Variants in NUP98 observed in about 807,000 individuals in gnomAD.
NUP98 encodes the protein nuclear pore complex protein Nup98-Nup96.
A neutral mutation model predicts 191.9 loss-of-function variants in NUP98; 26 were observed. The ratio of observed to expected loss-of-function variants is 0.14; its 90% CI spans 0.10 to 0.19. The LOEUF is 0.19. Among genes scored for constraint, NUP98 ranks in the 10% least tolerant of loss-of-function variants. NUP98 has a pLI of 1.00. For missense variants in NUP98, 1,941 were observed against 2,178.8 expected, an observed-to-expected ratio of 0.89 and a Z score of 2.17; for synonymous variants, 808 against 778.4, an observed-to-expected ratio of 1.04 and a Z score of -0.63.
chr11:3,697,845 A>AAAT (rs2078560787), intron 25 of NUP98, among the ~76,000 whole-genome samples: 1 of 139,290 alleles, frequency 7.2e-6, no homozygotes, highest in South Asian at 2.2e-4. Flanking sequence ...AAAAAAAAAA[A>AAAT]GATTTATATC....
chr11:3,753,685 C>G (rs1200764839), intron 10 of NUP98, among the ~76,000 whole-genome samples: 1 of 135,494 alleles, frequency 7.4e-6, no homozygotes, highest in Non-Finnish European at 1.5e-5. Context: ...CCGAGGCTGA[C>G]AGATCACCTG....
At position 3,744,624 on chromosome 11, in the gene NUP98, C is replaced by A; in HGVS notation, c.1293G>T (p.Leu431Phe). The A allele has an allele frequency of 6.2e-7, 1 of 1,612,990 alleles. No homozygotes were observed. The highest frequency in any genetic ancestry group is 8.5e-7 in the Non-Finnish European group (1 of 1,179,362). ...CAATCTTAGGTTGGTTGTTCCCAAA[C>A]AAAGATGCCTGTCCAGCACCAAGAG... ...GTALGAGQAS[L>F]FGNNQPKIGG... is the part of the protein sequence containing the mutation. The change falls in exon 12 of 33, where the codon TTG becomes TTT. Residue 431 changes from leucine to phenylalanine, a missense_variant. Leu to Phe is a conservative substitution (Grantham distance 22). Coordinates refer to ENST00000324932, the MANE Select transcript of NUP98 (RefSeq NM_016320.5).
intron 18 of NUP98, among the ~76,000 whole-genome samples, chr11:3,718,537 A>G (rs1309122162): frequency 3.3e-5 from 5 of 152,132 alleles, no homozygotes; most frequent in Non-Finnish European, 5.9e-5. Context: ...CTCTGTCTCA[A>G]AAGAAGAAAG....
chr11:3,763,088 T>C (rs777310862), intron 8 of NUP98, 49 bp from the exon 9 acceptor site: 4 of 1,551,086 alleles, frequency 2.6e-6, no homozygotes, highest in African/African-American at 1.4e-5. Flanking sequence ...ATAGTTTCCG[T>C]AACGAATCTC....
chr11:3,731,023 T>C (rs1413394337), intron 14 of NUP98, among the ~76,000 whole-genome samples: 1 of 152,188 alleles, frequency 6.6e-6, no homozygotes, highest in Non-Finnish European at 1.5e-5. Flanking sequence ...TCCCAGCACT[T>C]TGGGAGGCCA....
At chr11:3,732,301 C>T (rs1260747590) in intron 13 of NUP98, among the ~76,000 whole-genome samples, 2 of 152,256 alleles carry the variant, frequency 1.3e-5, no homozygotes, top group Admixed American at 6.5e-5. Flanking sequence ...TTAAAATGTA[C>T]TAACACAACA....
At chr11:3,783,559 C>A (rs1205959073) in intron 1 of NUP98, among the ~76,000 whole-genome samples, 1 of 152,016 alleles carries the variant, frequency 6.6e-6, no homozygotes, top group African/African-American at 2.4e-5. Flanking sequence ...ATTAGCCAGG[C>A]GTGGTGGTGC....
intron 7 of NUP98, among the ~76,000 whole-genome samples, chr11:3,771,441 T>C (rs552963383): frequency 6.6e-6 from 1 of 151,932 alleles, no homozygotes; most frequent in Admixed American, 6.6e-5. Flanking sequence ...AAACTCAGAG[T>C]TTTTAGACTC....
In NUP98 at chr11:3,777,876, T is replaced by C. The variant is rs368049633; in HGVS notation, c.355+997A>G. On this transcript the variant is annotated intron_variant, in intron 4 of 32. Transcript: ENST00000324932. Reference sequence around the variant, plus strand: ...ATACTGTTATGGCTAAATATTTCAATGTTATACAAACAACTTTCCCTCTGG... The same window carrying C: ...ATACTGTTATGGCTAAATATTTCAACGTTATACAAACAACTTTCCCTCTGG... Among the ~76,000 whole-genome samples, 17 of 152,098 alleles carry C rather than the reference T, an allele frequency of 1.1e-4. 1 individual carries two copies. Among genetic ancestry groups the C allele is most frequent in the South Asian group, 1.0e-3 (5 of 4,822 alleles).
In NUP98 at chr11:3,723,309, T is replaced by A; in HGVS notation, c.1994A>T (p.Asn665Ile). Reference sequence around the variant, plus strand: ...TGCAACAATGGTATCATCCACACTGTTGCTGTTGCTGTGTTTATTTCCAGC... The same window carrying A: ...TGCAACAATGGTATCATCCACACTGATGCTGTTGCTGTGTTTATTTCCAGC... ...ESAGNKHSNS[N>I]SVDDTIVALN... Residue 665 changes from asparagine to isoleucine, a missense_variant, in exon 16 of 33, where the codon AAC (asparagine) becomes ATC (isoleucine). Around this residue, in one of 6 missense-constraint regions of NUP98, gnomAD observed 453 missense variants for 438.2 expected, o/e 1.03. Transcript: ENST00000324932. 6.2e-7 allele frequency: 1 copy of A among 1,614,202 alleles called. No homozygotes were observed. The highest frequency in any genetic ancestry group is 8.5e-7 in the Non-Finnish European group (1 of 1,180,030).
chr11:3,706,723 C>T (rs2078873102), intron 20 of NUP98, 96 bp from the exon 21 acceptor site: 2 of 1,193,476 alleles, frequency 1.7e-6, no homozygotes, highest in Non-Finnish European at 2.4e-6. Flanking sequence ...TATGATACAA[C>T]AATTATTAGA....
At chr11:3,790,708 C>G (rs1385069073) in intron 1 of NUP98, among the ~76,000 whole-genome samples, 1 of 152,094 alleles carries the variant, frequency 6.6e-6, no homozygotes, top group East Asian at 1.9e-4. Flanking sequence ...TTAAAAGGGT[C>G]CTTAATGAAG....
In NUP98 at chr11:3,782,911, G is replaced by C. The variant is rs183854394; in HGVS notation, c.-28-766C>G. 7.2e-5 allele frequency among the ~76,000 whole-genome samples: 11 copies of C among 152,162 alleles called. No homozygotes were observed. In the East Asian group the frequency reaches 1.9e-3, roughly 27 times the overall value. ...TAAAGTTTCTTTCTCCCCTACCTTC[G>C]AGGGATATAAAACATGGTAATAGTA... On this transcript the variant is annotated intron_variant, in intron 1 of 32. Coordinates refer to ENST00000324932, the MANE Select transcript of NUP98 (RefSeq NM_016320.5).
chr11:3,704,720 C>G (rs1332389852), intron 22 of NUP98, among the ~76,000 whole-genome samples: 3 of 152,200 alleles, frequency 2.0e-5, no homozygotes, highest in African/African-American at 7.2e-5. Flanking sequence ...AAACCGGCCA[C>G]TCCTGCCAGG....
In NUP98 at chr11:3,725,676, GT is replaced by G. The variant is rs2079588577; in HGVS notation, c.1731-458del. On this transcript the variant is annotated intron_variant, in intron 14 of 32. Transcript: ENST00000324932. ...TAAACAGACATTTGCTGACTAAAAA[GT>G]TTTTTCTTTTTACTTTCTTTGGTTT... 2.0e-5 allele frequency among the ~76,000 whole-genome samples: 3 copies of G among 152,222 alleles called. No individual in the cohort carries two copies. In the South Asian group the frequency reaches 6.2e-4, roughly 32 times the overall value.
intron 26 of NUP98, among the ~76,000 whole-genome samples, 161 bp from the exon 27 acceptor site, chr11:3,693,536 TATTA>T (rs2078389742): frequency 6.6e-6 from 1 of 152,198 alleles, no homozygotes; most frequent in African/African-American, 2.4e-5. Context: ...TGAGAGGGAA[TATTA>T]TTTACTTGTT....
chr11:3,761,978 G>A (rs751076150), intron 9 of NUP98, among the ~76,000 whole-genome samples: 1 of 151,888 alleles, frequency 6.6e-6, no homozygotes, highest in Non-Finnish European at 1.5e-5. Flanking sequence ...AACAACAGAA[G>A]TACTAGAATG....
chr11:3,782,356 T>C (rs2081996546), intron 1 of NUP98, among the ~76,000 whole-genome samples: 1 of 152,100 alleles, frequency 6.6e-6, no homozygotes, highest in African/African-American at 2.4e-5. Context: ...TTAAACTTCA[T>C]AATGTGAGGT....
intron 18 of NUP98, among the ~76,000 whole-genome samples, chr11:3,716,768 G>A (rs1191245247): frequency 6.6e-6 from 1 of 152,024 alleles, no homozygotes; most frequent in Admixed American, 6.6e-5. Context: ...CATTCCATTG[G>A]TATTTATGTC....
Sources: gnomAD v4.1 joint callset for allele counts (sites outside exome capture counted in the v4.1 genomes callset) on GRCh38, gnomAD v4.1.1 for gene constraint, gnomAD v4.1.1 regional missense constraint, MANE v1.5 for transcripts, NCBI Gene and HGNC (gene_info 2026-07-23, HGNC 2026-07-21) for gene names.